Variants in RAI1 observed in about 807,000 individuals in gnomAD.
RAI1 encodes the protein retinoic acid-induced protein 1.
RAI1 carries 9 observed loss-of-function variants against 123.8 expected under a neutral mutation model. That is an observed-to-expected ratio of 0.07 (90% confidence interval 0.04 to 0.13). The LOEUF (loss-of-function observed/expected upper bound fraction) is 0.13. Among genes scored for constraint, RAI1 ranks in the 10% least tolerant of loss-of-function variants. The pLI is 1.00. For missense variants in RAI1, 2,256 were observed against 2,545.8 expected (o/e 0.89, Z 2.45); for synonymous variants, 1,231 against 1,127.3 (o/e 1.09, Z -1.84).
chr17:17,717,345 C>T (rs983620380), intron 1 of RAI1, among the ~76,000 whole-genome samples: 1 of 152,136 alleles, frequency 6.6e-6, no homozygotes, highest in Non-Finnish European at 1.5e-5. Context: ...CCAGCTGTTC[C>T]CATGGCCATG....
At position 17,793,890 on chromosome 17, in the gene RAI1, C is replaced by T. The variant is rs373988626; in HGVS notation, c.942C>T (p.Tyr314=). The part of the protein sequence containing the change: ...HYQNLAKYQH[Y]GQQGQGYCQP... Reference sequence around the variant, plus strand: ...AAAACCTCGCCAAGTATCAGCACTACGGGCAGCAAGGCCAGGGCTACTGCC... The same window carrying T: ...AAAACCTCGCCAAGTATCAGCACTATGGGCAGCAAGGCCAGGGCTACTGCC... The change falls in exon 3 of 6, where the codon TAC becomes TAT. Residue 314 remains tyrosine (Y), a synonymous_variant. Transcript: ENST00000353383. 6.2e-6 allele frequency: 10 copies of T among 1,613,684 alleles called. No individual in the cohort carries two copies. In the Admixed American group the frequency reaches 6.7e-5, roughly 11 times the overall value.
At chr17:17,768,352 T>G (rs2031018158) in intron 2 of RAI1, among the ~76,000 whole-genome samples, 2 of 152,284 alleles carry the variant, frequency 1.3e-5, no homozygotes, top group East Asian at 3.9e-4. Context: ...GCCCTACATT[T>G]TCATTTTGCA....
intron 2 of RAI1, among the ~76,000 whole-genome samples, chr17:17,790,577 C>G (rs941444): frequency 0.42 from 63,293 of 151,578 alleles, 16,944 homozygotes; most frequent in Non-Finnish European, 0.61. Flanking sequence ...GTCTCTGTCT[C>G]TCTTTAAATA....
chr17:17,705,694 CT>C (rs1915370908), intron 1 of RAI1, among the ~76,000 whole-genome samples: 1 of 152,136 alleles, frequency 6.6e-6, no homozygotes, highest in African/African-American at 2.4e-5. Context: ...CCACTCTACT[CT>C]GGCCTGGGCG....
chr17:17,707,214 G>A (rs1437566094), intron 1 of RAI1, among the ~76,000 whole-genome samples: 3 of 152,230 alleles, frequency 2.0e-5, no homozygotes, highest in African/African-American at 7.2e-5. Context: ...GGAGGCTGAG[G>A]TGGGAAGATC....
At chr17:17,755,175 C>T (rs952073993) in intron 2 of RAI1, among the ~76,000 whole-genome samples, 7 of 152,256 alleles carry the variant, frequency 4.6e-5, no homozygotes, top group African/African-American at 1.7e-4. Context: ...GGCCTGTTTA[C>T]ACACTGTCAC....
At chr17:17,753,174 G>C (rs2030284944) in intron 2 of RAI1, among the ~76,000 whole-genome samples, 1 of 152,210 alleles carries the variant, frequency 6.6e-6, no homozygotes, top group South Asian at 2.1e-4. Context: ...GTGCTGGCCA[G>C]ACAGGAGCCC....
chr17:17,741,704 T>C (rs1916642127), intron 2 of RAI1, among the ~76,000 whole-genome samples: 2 of 152,200 alleles, frequency 1.3e-5, no homozygotes, highest in Non-Finnish European at 2.9e-5. Context: ...CCTTTGCGTC[T>C]CAGGAAAGCA....
chr17:17,734,061 A>G (rs1916349291), intron 2 of RAI1, among the ~76,000 whole-genome samples: 1 of 152,128 alleles, frequency 6.6e-6, no homozygotes, highest in Admixed American at 6.6e-5. Flanking sequence ...CTAGGCAGAG[A>G]GAAAATGAGC....
intron 1 of RAI1, among the ~76,000 whole-genome samples, chr17:17,697,146 TGAAACA>T (rs1306295697): frequency 6.6e-6 from 1 of 152,212 alleles, no homozygotes; most frequent in Non-Finnish European, 1.5e-5. Flanking sequence ...AAGCCCTGCG[TGAAACA>T]GGCCTTGGGA....
At chr17:17,722,132 C>T (rs2142925191) in intron 1 of RAI1, among the ~76,000 whole-genome samples, 1 of 152,258 alleles carries the variant, frequency 6.6e-6, no homozygotes, top group African/African-American at 2.4e-5. Flanking sequence ...GACAGACAGA[C>T]TCACTGGCCA....
chr17:17,795,761 T>C lies in RAI1; in HGVS notation c.2813T>C (p.Val938Ala), dbSNP rs1567921842. Residue 938 changes from valine to alanine, a missense_variant, in exon 3 of 6, where the codon GTC becomes GCC. By Grantham distance (64) the Val-to-Ala change is moderately conservative. Around this residue, in one of 7 missense-constraint regions of RAI1, gnomAD observed 566 missense variants for 616.0 expected, o/e 0.92. Coordinates refer to ENST00000353383, the MANE Select transcript of RAI1 (RefSeq NM_030665.4). This position sits in a 1 kb window ranked among gnomAD's most constrained non-coding sequence, Gnocchi z 5.9. ...LGPTVGTESKVQSWFESSLSH... is the reference protein window; with the variant it reads ...LGPTVGTESKAQSWFESSLSH... Reference sequence around the variant, plus strand: ...CCTACAGTGGGCACCGAGTCAAAGGTCCAGAGCTGGTTTGAGTCCTCTCTG... The same window carrying C: ...CCTACAGTGGGCACCGAGTCAAAGGCCCAGAGCTGGTTTGAGTCCTCTCTG... The C allele has an allele frequency of 1.9e-6, 3 of 1,613,452 alleles. No homozygotes were observed. The highest frequency in any genetic ancestry group is 2.2e-5 in the East Asian group (1 of 44,860).
At chr17:17,701,498 A>G (rs1407110277) in intron 1 of RAI1, among the ~76,000 whole-genome samples, 1 of 152,172 alleles carries the variant, frequency 6.6e-6, no homozygotes, top group Non-Finnish European at 1.5e-5. Flanking sequence ...TGCAGAGGGA[A>G]GGAAAACGGA....
intron 2 of RAI1, chr17:17,765,888 C>G (rs1476672308): frequency 6.6e-6 from 1 of 152,258 alleles, no homozygotes; most frequent in Non-Finnish European, 1.5e-5. Flanking sequence ...GGAATGAAGC[C>G]AGGAGAATGG....
chr17:17,779,886 C>A lies in RAI1; in HGVS notation c.-16-13047C>A, dbSNP rs191464716. On this transcript the variant is annotated intron_variant, in intron 2 of 5. Coordinates refer to ENST00000353383, the MANE Select transcript of RAI1 (RefSeq NM_030665.4). ...GCCCCCCGGGGTTCACGCCATTCTC[C>A]TGCCTCAGCCTCCTGCATAGCTGGG... Among the ~76,000 whole-genome samples, 250 of 146,482 alleles carry A rather than the reference C, an allele frequency of 1.7e-3. 2 individuals carry two copies. The highest frequency in any genetic ancestry group is 6.1e-3 in the African/African-American group (241 of 39,480).
At position 17,793,834 on chromosome 17, in the gene RAI1, C is replaced by T. The variant is rs375881098; in HGVS notation, c.886C>T (p.Arg296Trp). 5.0e-6 allele frequency: 8 copies of T among 1,613,014 alleles called. No homozygotes were observed. Among genetic ancestry groups the T allele is most frequent in the South Asian group, 1.1e-5 (1 of 91,076 alleles). The change falls in exon 3 of 6, where the codon CGG becomes TGG. Residue 296 changes from arginine (R) to tryptophan (W), a missense_variant. Coordinates refer to ENST00000353383, the MANE Select transcript of RAI1 (RefSeq NM_030665.4). ...GCAGCAGCAGCAAGCCCTTCAGAGC[C>T]GGCACCATGCCCAGGAAACCCTCCA... ...QQQQQQALQS[R>W]HHAQETLHYQ...
At chr17:17,723,348 C>A (rs900630607) in intron 1 of RAI1, among the ~76,000 whole-genome samples, 76 of 150,644 alleles carry the variant, frequency 5.0e-4, no homozygotes, top group Admixed American at 3.4e-3. Flanking sequence ...GACCCCCCCC[C>A]CCAAGCCCCG....
At position 17,797,764 on chromosome 17, in the gene RAI1, G is replaced by C; in HGVS notation, c.4816G>C (p.Ala1606Pro). The C allele has an allele frequency of 6.2e-7, 1 of 1,614,080 alleles. No homozygotes were observed. Among genetic ancestry groups the C allele is most frequent in the Non-Finnish European group, 8.5e-7 (1 of 1,180,022 alleles). Reference protein sequence around the residue: ...SPFVRVEKRDAFTTICTVVNS... With the variant: ...SPFVRVEKRDPFTTICTVVNS... ...CTTCGTGCGGGTGGAGAAGCGAGAC[G>C]CGTTCACCACCATATGCACTGTTGT... The change falls in exon 3 of 6, where the codon GCG becomes CCG. Residue 1606 changes from alanine (A) to proline (P), a missense_variant. Ala to Pro is a conservative substitution (Grantham distance 27). Transcript: ENST00000353383.
chr17:17,782,552 C>T (rs1438944071), intron 2 of RAI1, among the ~76,000 whole-genome samples: 1 of 143,998 alleles, frequency 6.9e-6, no homozygotes, highest in African/African-American at 2.6e-5. Flanking sequence ...CGCAGCCTTG[C>T]GCGGCTGGAG....
Sources: gnomAD v4.1 joint callset for allele counts (sites outside exome capture counted in the v4.1 genomes callset) on GRCh38, gnomAD v4.1.1 for gene constraint, gnomAD v4.1.1 regional missense constraint, Gnocchi (gnomAD v3.1) non-coding constraint, MANE v1.5 for transcripts, NCBI Gene and HGNC (gene_info 2026-07-23, HGNC 2026-07-21) for gene names.